GRID2: variants seen among roughly 807,000 people sequenced by gnomAD.
GRID2 encodes the protein glutamate receptor ionotropic, delta-2.
GRID2 carries 33 observed loss-of-function variants against 114.8 expected under a neutral mutation model. The ratio of observed to expected loss-of-function variants is 0.29; its 90% CI spans 0.22 to 0.38. The LOEUF (loss-of-function observed/expected upper bound fraction) is 0.38. Ranked by LOEUF, GRID2 falls within the 10% of genes least tolerant of loss-of-function variation. The pLI is 1.00. For synonymous variants in GRID2, 505 were observed against 449.9 expected (o/e 1.12, Z -1.55); for missense variants, 1,184 against 1,257.7 (o/e 0.94, Z 0.89).
rs1727416741 is a variant in GRID2, at chr4:92,567,954, A to T, written c.89-22177A>T. Among the ~76,000 whole-genome samples, 3 of 152,022 alleles carry T rather than the reference A, an allele frequency of 2.0e-5. No individual in the cohort carries two copies. The South Asian group carries it at 6.2e-4, about 31-fold the overall frequency. On this transcript the variant is annotated intron_variant, in intron 1 of 15. Transcript: ENST00000282020. ...AGGAAATAATAAACAAGAGATATAT[A>T]GTTAAGATATGTAATGCATCAGATG...
intron 14 of GRID2, among the ~76,000 whole-genome samples, chr4:93,634,574 A>T (rs1240411336): frequency 6.6e-6 from 1 of 152,112 alleles, no homozygotes; most frequent in Non-Finnish European, 1.5e-5. Flanking sequence ...TCACACAACT[A>T]ATAACAAACA....
intron 4 of GRID2, among the ~76,000 whole-genome samples, chr4:93,206,620 A>ACACACG (rs1560985600): frequency 6.6e-6 from 1 of 151,752 alleles, no homozygotes; most frequent in Non-Finnish European, 1.5e-5. Flanking sequence ...ACACACACAC[A>ACACACG]CACACACACG....
intron 14 of GRID2, among the ~76,000 whole-genome samples, chr4:93,666,366 G>A (rs1474502809): frequency 6.6e-6 from 1 of 151,992 alleles, no homozygotes; most frequent in Non-Finnish European, 1.5e-5. Flanking sequence ...AAACTGGCAA[G>A]TAAATAATAT....
intron 1 of GRID2, among the ~76,000 whole-genome samples, chr4:92,582,350 A>G (rs1728223673): frequency 6.6e-6 from 1 of 151,968 alleles, no homozygotes; most frequent in African/African-American, 2.4e-5. Context: ...TCCATATTCT[A>G]TTGGAACTCA....
At chr4:93,424,506 A>G (rs1437127222) in intron 10 of GRID2, among the ~76,000 whole-genome samples, 3 of 152,030 alleles carry the variant, frequency 2.0e-5, no homozygotes, top group African/African-American at 7.2e-5. Context: ...TTGTGATTCT[A>G]TCAGTTTTGC....
At chr4:92,942,453 C>CTG (rs1232934768) in intron 2 of GRID2, among the ~76,000 whole-genome samples, 2 of 152,130 alleles carry the variant, frequency 1.3e-5, no homozygotes, top group African/African-American at 2.4e-5. Flanking sequence ...TATTTTGAGC[C>CTG]TGTGTGTGTC....
At chr4:92,382,252 T>A (rs77131858) in intron 1 of GRID2, among the ~76,000 whole-genome samples, 6 of 151,712 alleles carry the variant, frequency 4.0e-5, no homozygotes, top group African/African-American at 1.5e-4. Context: ...TGAAAAAAAA[T>A]ATAGATATAG....
intron 2 of GRID2, among the ~76,000 whole-genome samples, chr4:92,777,494 T>C (rs1427341063): frequency 6.6e-6 from 1 of 152,118 alleles, no homozygotes; most frequent in Non-Finnish European, 1.5e-5. Flanking sequence ...GATCTGATAC[T>C]ACTACTTTTC....
intron 14 of GRID2, among the ~76,000 whole-genome samples, chr4:93,649,495 T>C (rs2149719289): frequency 6.6e-6 from 1 of 152,292 alleles, no homozygotes; most frequent in Admixed American, 6.5e-5. Flanking sequence ...AAGAACTTAC[T>C]AAGAAAAGTT....
intron 8 of GRID2, among the ~76,000 whole-genome samples, chr4:93,381,567 T>G (rs1219564310): frequency 6.6e-6 from 1 of 152,140 alleles, no homozygotes; most frequent in Non-Finnish European, 1.5e-5. Context: ...CATTGACTTT[T>G]GTATATTTTC....
intron 1 of GRID2, among the ~76,000 whole-genome samples, chr4:92,458,128 T>G (rs182803697): frequency 6.6e-6 from 1 of 152,338 alleles, no homozygotes; most frequent in Admixed American, 6.5e-5. Context: ...GGTCATGTCT[T>G]TTTTATTCTA....
At chr4:93,262,059 A>G (rs1205230089) in intron 8 of GRID2, among the ~76,000 whole-genome samples, 1 of 151,500 alleles carries the variant, frequency 6.6e-6, no homozygotes, top group Non-Finnish European at 1.5e-5. Flanking sequence ...GAAATAAAAT[A>G]TGTATATTAT....
intron 9 of GRID2, among the ~76,000 whole-genome samples, chr4:93,409,385 T>C (rs1053750601): frequency 6.6e-5 from 10 of 152,072 alleles, no homozygotes; most frequent in Admixed American, 1.3e-4. Flanking sequence ...AGCAGCTGTA[T>C]TGGGGGTAGT....
intron 1 of GRID2, among the ~76,000 whole-genome samples, chr4:92,429,500 G>A (rs1284922180): frequency 1.3e-5 from 2 of 152,098 alleles, no homozygotes; most frequent in East Asian, 3.9e-4. Context: ...TTCATCTGTT[G>A]ATGAAGAGCT....
chr4:92,818,661 C>T lies in GRID2; in HGVS notation c.244+228375C>T, dbSNP rs113721580. On this transcript the variant is annotated intron_variant, in intron 2 of 15. Coordinates refer to ENST00000282020, the MANE Select transcript of GRID2 (RefSeq NM_001510.4). ...CCTTTCTTATATTAACTTGATGAGT[C>T]GCTATACCATTGAAATCTCTTACCT... is the stretch of plus-strand genomic sequence containing the variant. Among the ~76,000 whole-genome samples, 1,288 of 152,126 alleles carry T rather than the reference C, an allele frequency of 8.5e-3. 22 individuals carry two copies. Among genetic ancestry groups the T allele is most frequent in the African/African-American group, 0.027 (1,106 of 41,520 alleles).
chr4:93,037,968 A>G (rs889767086), intron 2 of GRID2, among the ~76,000 whole-genome samples: 1 of 152,174 alleles, frequency 6.6e-6, no homozygotes, highest in Non-Finnish European at 1.5e-5. Flanking sequence ...ATGAAATTTA[A>G]AGTAGTTTGT....
At chr4:92,401,075 A>G (rs370105079) in intron 1 of GRID2, among the ~76,000 whole-genome samples, 14 of 152,218 alleles carry the variant, frequency 9.2e-5, no homozygotes, top group African/African-American at 3.4e-4. Context: ...TTTCTTTCAT[A>G]AAAGTTTTAA....
chr4:93,353,775 G>A (rs1049862036), intron 8 of GRID2, among the ~76,000 whole-genome samples: 3 of 151,968 alleles, frequency 2.0e-5, no homozygotes, highest in African/African-American at 7.2e-5. Flanking sequence ...GCTACTTGGG[G>A]CTGAGGATGA....
intron 1 of GRID2, among the ~76,000 whole-genome samples, chr4:92,429,743 T>G (rs1191192824): frequency 6.6e-6 from 1 of 152,152 alleles, no homozygotes; most frequent in Non-Finnish European, 1.5e-5. Flanking sequence ...TTCTGTGTTC[T>G]CCACACCCTC....
Sources: allele counts gnomAD v4.1 joint callset (sites outside exome capture counted in the v4.1 genomes callset), GRCh38; gene constraint gnomAD v4.1.1; transcripts MANE v1.5; gene names NCBI Gene and HGNC (gene_info 2026-07-23, HGNC 2026-07-21).